The following ELP2 variants were observed in gnomAD, a reference collection of about 807,000 sequenced individuals.
ELP2 encodes elongator complex protein 2.
In ELP2, 90 loss-of-function variants were observed where a neutral mutation model predicts 119.2. That is an observed-to-expected ratio of 0.75 (90% CI 0.64 to 0.90). The LOEUF (loss-of-function observed/expected upper bound fraction) is 0.90, where lower values mean the gene tolerates loss of function less well. Among genes scored for constraint, ELP2 ranks in the 40% least tolerant of loss-of-function variants. The probability of loss-of-function intolerance (pLI) is 0.00; values close to 1 mark genes in which losing one functional copy is unlikely to be tolerated. For missense variants in ELP2, 921 were observed against 967.8 expected (o/e 0.95, Z 0.64); for synonymous variants, 339 against 331.0 (o/e 1.02, Z -0.26).
Position 36,167,281 on chromosome 18 carries a change from G to A in ELP2, c.2076+59G>A. On this transcript the variant is annotated intron_variant, in intron 19 of 21. Transcript: ENST00000358232. The stretch of plus-strand genomic sequence containing the variant: ...GTAAAAATAATATTTTTATAGGTAT[G>A]TTTGAATAAAAAATGCATAATCCTG... 2.3e-6 allele frequency: 3 copies of A among 1,327,524 alleles called. No homozygotes were observed. In the South Asian group the frequency reaches 4.4e-5, roughly 19 times the overall value. 82.2% of individuals were successfully genotyped at this position (1,327,524 alleles called of 1,614,324 possible).
At chr18:36,150,393 T>C (rs2090357805) in intron 11 of ELP2, among the ~76,000 whole-genome samples, 1 of 152,176 alleles carries the variant, frequency 6.6e-6, no homozygotes, top group African/African-American at 2.4e-5. Flanking sequence ...GCATTTCCGT[T>C]TTATTATGGA....
At chr18:36,142,674 G>C in intron 7 of ELP2, 152 bp from the exon 8 acceptor site, 1 of 617,730 alleles carries the variant, frequency 1.6e-6, no homozygotes, top group Admixed American at 3.2e-5. Flanking sequence ...TATTAAAAAT[G>C]AATATAGATC....
chr18:36,146,620 G>A (rs2090212026), intron 11 of ELP2, among the ~76,000 whole-genome samples: 1 of 152,162 alleles, frequency 6.6e-6, no homozygotes, highest in Non-Finnish European at 1.5e-5. Context: ...TTTCTGAAAT[G>A]TGTAGCTTTC....
rs1022570625 is a variant in ELP2, at chr18:36,129,907, T to A, written c.-27T>A. ...TCCGAGGGCGGAAGTGCGCGTCTCT[T>A]GTTTGTGCGGCTGACCAGTTGGCGA... On this transcript the variant is annotated 5_prime_UTR_variant, in exon 1 of 22. Transcript: ENST00000358232. 1 of 1,614,020 alleles carries A rather than the reference T, an allele frequency of 6.2e-7. No homozygotes were observed. The highest frequency in any genetic ancestry group is 1.1e-5 in the South Asian group (1 of 91,086).
At chr18:36,165,531 AGACT>A (rs1273747634) in intron 18 of ELP2, among the ~76,000 whole-genome samples, 1 of 152,252 alleles carries the variant, frequency 6.6e-6, no homozygotes, top group Non-Finnish European at 1.5e-5. Flanking sequence ...GTTTTAGAAC[AGACT>A]GTTTTCTTTT....
chr18:36,146,303 C>T lies in ELP2; in HGVS notation c.1047C>T (p.Phe349=). The change falls in exon 11 of 22, where the codon TTC becomes TTT. Residue 349 remains phenylalanine, a synonymous_variant. Coordinates refer to ENST00000358232, the MANE Select transcript of ELP2 (RefSeq NM_018255.4). ...GNTLGFYDCQ[F]NEDGSMIIAH... is the part of the protein sequence containing the mutation. ...CTTTGGGATTTTATGATTGCCAGTTCAATGAAGATGGCTCCATGATCATTG... is the reference window on the plus strand; with the variant it reads ...CTTTGGGATTTTATGATTGCCAGTTTAATGAAGATGGCTCCATGATCATTG... 2 of 1,614,064 alleles carry T rather than the reference C, an allele frequency of 1.2e-6. No homozygotes were observed. The highest frequency in any genetic ancestry group is 1.7e-6 in the Non-Finnish European group (2 of 1,179,944).
intron 16 of ELP2, 45 bp downstream of exon 16, chr18:36,160,060 C>G (rs751546501): frequency 6.3e-7 from 1 of 1,594,952 alleles, no homozygotes; most frequent in African/African-American, 1.3e-5. Context: ...TCTGTCGTAA[C>G]TTCTGACTTT....
intron 12 of ELP2, 56 bp from the exon 13 acceptor site, chr18:36,156,410 G>T (rs1350626728): frequency 1.3e-6 from 2 of 1,489,880 alleles, no homozygotes; most frequent in Admixed American, 1.7e-5. Context: ...CTAATAATTT[G>T]CTTATTGAAA....
At chr18:36,149,471 G>GTTTTTTTT (rs1457178336) in intron 11 of ELP2, among the ~76,000 whole-genome samples, 12 of 66,956 alleles carry the variant, frequency 1.8e-4, no homozygotes, top group African/African-American at 5.2e-4. Context: ...TAGTTGCAGG[G>GTTTTTTTT]TTTTTTGTTT....
intron 19 of ELP2, chr18:36,169,796 T>C (rs938012995): frequency 6.2e-6 from 3 of 485,016 alleles, no homozygotes; most frequent in Non-Finnish European, 7.6e-6. Flanking sequence ...ATAGAAGGCA[T>C]GTTAGACACC....
rs778639924 is a variant in ELP2, at chr18:36,167,088, A to G, written c.1955-13A>G. ...TCTCTGCTTTGTGAATAGTGTATAC[A>G]TATTTCTTTCAGAGCCAGTTTTTAG... is the stretch of plus-strand genomic sequence containing the variant. On this transcript the variant is annotated splice_polypyrimidine_tract_variant and intron_variant, in intron 18 of 21. Transcript: ENST00000358232. The G allele has an allele frequency of 2.5e-6, 4 of 1,595,778 alleles. No individual in the cohort carries two copies. The highest frequency in any genetic ancestry group is 3.4e-5 in the Admixed American group (2 of 58,106).
Position 36,145,003 on chromosome 18 carries a change from T to G in ELP2, c.861T>G (p.Asn287Lys), listed in dbSNP as rs1473995021. 6.2e-7 allele frequency: 1 copy of G among 1,613,958 alleles called. No homozygotes were observed. The highest frequency in any genetic ancestry group is 1.7e-5 in the Admixed American group (1 of 60,024). The change falls in exon 9 of 22, where the codon AAT (asparagine) becomes AAG (lysine). Residue 287 changes from asparagine to lysine, a missense_variant. Transcript: ENST00000358232. The stretch of plus-strand genomic sequence containing the variant: ...TAGCCGGTCATGAAAACTGGGTAAA[T>G]GCAGTTCACTGGCAACCTGTGTTTT... ...TVLAGHENWV[N>K]AVHWQPVFYK...
intron 12 of ELP2, among the ~76,000 whole-genome samples, chr18:36,155,418 C>T (rs1304056355): frequency 6.6e-6 from 1 of 152,100 alleles, no homozygotes; most frequent in Non-Finnish European, 1.5e-5. Flanking sequence ...AAATTAGAAC[C>T]ATGATGAGAT....
At chr18:36,153,301 C>G (rs2090460807) in intron 11 of ELP2, among the ~76,000 whole-genome samples, 1 of 152,170 alleles carries the variant, frequency 6.6e-6, no homozygotes, top group Non-Finnish European at 1.5e-5. Context: ...CAGCTTCATA[C>G]CATTGGTGAG....
Position 36,139,550 on chromosome 18 carries a change from G to A in ELP2, c.523+678G>A. Reference sequence around the variant, plus strand: ...CATTCTGTGCAAGGCTCTGTGGAAGGAGAAGCTGCACACATTCTGGCATCA... The same window carrying A: ...CATTCTGTGCAAGGCTCTGTGGAAGAAGAAGCTGCACACATTCTGGCATCA... On this transcript the variant is annotated intron_variant, in intron 5 of 21. Transcript: ENST00000358232. 1.5e-5 allele frequency: 23 copies of A among 1,535,634 alleles called. No individual in the cohort carries two copies. The highest frequency in any genetic ancestry group is 2.0e-5 in the Admixed American group (1 of 51,000).
At chr18:36,142,646 A>G (rs2090069391) in intron 7 of ELP2, among the ~76,000 whole-genome samples, 180 bp from the exon 8 acceptor site, 1 of 152,210 alleles carries the variant, frequency 6.6e-6, no homozygotes, top group Non-Finnish European at 1.5e-5. Flanking sequence ...TTAGCATTGT[A>G]TGCATATTTG....
rs540439540 is a variant in ELP2, at chr18:36,144,192, C to A, written c.797-747C>A. Among the ~76,000 whole-genome samples the A allele has an allele frequency of 2.0e-5, 3 of 151,960 alleles. No individual in the cohort carries two copies. The South Asian group carries it at 6.3e-4, about 32-fold the overall frequency. On this transcript the variant is annotated intron_variant, in intron 8 of 21. Transcript: ENST00000358232. ...GAGAACGAAAAAATGATATAACCAG[C>A]ATATTAGGAGTAGCTATACCCAAAT...
intron 3 of ELP2, chr18:36,136,588 A>T (rs938364021): frequency 7.1e-6 from 4 of 563,222 alleles, no homozygotes; most frequent in Middle Eastern, 4.8e-4. Context: ...ATGGGGTCTT[A>T]CTTTGTTGCC....
chr18:36,141,380 C>A, intron 6 of ELP2, 179 bp downstream of exon 6: 3 of 619,248 alleles, frequency 4.8e-6, no homozygotes, highest in South Asian at 1.8e-5. Flanking sequence ...ACCAAGTAAC[C>A]GCTGCCTTGA....
Sources: allele counts gnomAD v4.1 joint callset (sites outside exome capture counted in the v4.1 genomes callset), GRCh38; gene constraint gnomAD v4.1.1; transcripts MANE v1.5; gene names NCBI Gene and HGNC (gene_info 2026-07-23, HGNC 2026-07-21).